The following RBMS3 variants were observed in gnomAD, a reference collection of about 807,000 sequenced individuals.
RBMS3 encodes the protein RNA binding motif single stranded interacting protein 3, also known as RNA-binding motif, single-stranded-interacting protein 3.
RBMS3 carries 27 observed loss-of-function variants against 66.8 expected under a neutral mutation model. The ratio of observed to expected loss-of-function variants is 0.40; its 90% CI spans 0.30 to 0.56. The LOEUF (loss-of-function observed/expected upper bound fraction) is 0.56. RBMS3 is among the 20% of genes least tolerant of loss of function. The pLI, the probability that RBMS3 is intolerant of heterozygous loss-of-function variation, is 0.40. For missense variants in RBMS3, 513 were observed against 549.5 expected, an observed-to-expected ratio of 0.93 and a Z score of 0.66; for synonymous variants, 188 against 183.0, an observed-to-expected ratio of 1.03 and a Z score of -0.22.
intron 4 of RBMS3, among the ~76,000 whole-genome samples, chr3:29,590,969 G>C (rs985403831): frequency 6.6e-6 from 1 of 152,234 alleles, no homozygotes; most frequent in Middle Eastern, 3.4e-3. Context: ...AGATGAAGGA[G>C]CAGTATGGCT....
chr3:29,591,483 G>A (rs927751477), intron 4 of RBMS3, among the ~76,000 whole-genome samples: 4 of 152,176 alleles, frequency 2.6e-5, no homozygotes, highest in African/African-American at 9.7e-5. Flanking sequence ...ATCCTGCTAG[G>A]TGGAAATAGA....
At chr3:29,710,629 C>T (rs2053122267) in intron 4 of RBMS3, among the ~76,000 whole-genome samples, 1 of 152,148 alleles carries the variant, frequency 6.6e-6, no homozygotes, top group Non-Finnish European at 1.5e-5. Context: ...CAAGTGAAAA[C>T]ATAGTGTGTT....
At chr3:29,458,142 C>T (rs1310360306) in intron 2 of RBMS3, among the ~76,000 whole-genome samples, 1 of 152,126 alleles carries the variant, frequency 6.6e-6, no homozygotes, top group Non-Finnish European at 1.5e-5. Context: ...TATTGACTCC[C>T]TTCCAACCAG....
intron 11 of RBMS3, among the ~76,000 whole-genome samples, chr3:29,937,004 A>G (rs111611937): frequency 0.019 from 2,960 of 152,170 alleles, 91 homozygotes; most frequent in African/African-American, 0.066. Context: ...CTTCAGTAAC[A>G]GTTTTATTTT....
At chr3:29,408,125 A>C (rs896085292) in intron 1 of RBMS3, among the ~76,000 whole-genome samples, 5 of 151,304 alleles carry the variant, frequency 3.3e-5, no homozygotes, top group African/African-American at 1.2e-4. Context: ...ACAAAAAATT[A>C]GCTGGGTGTG....
chr3:29,549,772 C>A (rs1454505284), intron 3 of RBMS3, among the ~76,000 whole-genome samples: 1 of 151,872 alleles, frequency 6.6e-6, no homozygotes, highest in Non-Finnish European at 1.5e-5. Context: ...AGGCTGGCAG[C>A]TATGCTAGTG....
At chr3:29,618,032 T>A (rs1052415412) in intron 4 of RBMS3, among the ~76,000 whole-genome samples, 1 of 152,208 alleles carries the variant, frequency 6.6e-6, no homozygotes, top group African/African-American at 2.4e-5. Flanking sequence ...TGTTCATGTA[T>A]GATGCTGTAA....
intron 4 of RBMS3, among the ~76,000 whole-genome samples, chr3:29,696,379 T>C (rs2052276736): frequency 6.6e-6 from 1 of 152,194 alleles, no homozygotes; most frequent in South Asian, 2.1e-4. Context: ...AAATGGTACC[T>C]GCCATTATTA....
chr3:29,697,243 ATGTAGTT>A, intron 4 of RBMS3: 1 of 543,016 alleles, frequency 1.8e-6, no homozygotes. Flanking sequence ...ATTGAAACAA[ATGTAGTT>A]TTGGTAAAGA....
intron 4 of RBMS3, among the ~76,000 whole-genome samples, chr3:29,675,205 G>A (rs1409556826): frequency 2.6e-5 from 4 of 152,078 alleles, no homozygotes; most frequent in African/African-American, 7.2e-5. Flanking sequence ...AATAGCGCTG[G>A]GAAAACTGGC....
chr3:29,292,908 T>G (rs1419607817), intron 1 of RBMS3, among the ~76,000 whole-genome samples: 1 of 151,870 alleles, frequency 6.6e-6, no homozygotes, highest in Admixed American at 6.6e-5. Context: ...GAAACATGTT[T>G]GGGGAAAATA....
At chr3:29,826,194 CATT>C (rs2058207593) in intron 6 of RBMS3, among the ~76,000 whole-genome samples, 1 of 152,044 alleles carries the variant, frequency 6.6e-6, no homozygotes, top group Non-Finnish European at 1.5e-5. Context: ...TTTTAATTTG[CATT>C]AATAACATTA....
At chr3:29,622,304 G>A (rs146255211) in intron 4 of RBMS3, among the ~76,000 whole-genome samples, 13 of 152,194 alleles carry the variant, frequency 8.5e-5, no homozygotes, top group South Asian at 2.1e-4. Context: ...AAAAAATTTC[G>A]TGAAGAAAAA....
intron 7 of RBMS3, chr3:29,880,962 TC>T: frequency 1.2e-6 from 1 of 843,664 alleles, no homozygotes; most frequent in Non-Finnish European, 1.9e-6. Flanking sequence ...TCATGCTAAC[TC>T]CTGTTCCCCA....
intron 12 of RBMS3, among the ~76,000 whole-genome samples, chr3:29,946,216 T>A (rs752346226): frequency 6.6e-6 from 1 of 151,696 alleles, no homozygotes; most frequent in Non-Finnish European, 1.5e-5. Flanking sequence ...CAATGACTTT[T>A]GAGAAATTGA....
At chr3:29,653,507 A>G (rs1254249155) in intron 4 of RBMS3, among the ~76,000 whole-genome samples, 2 of 152,134 alleles carry the variant, frequency 1.3e-5, no homozygotes, top group Non-Finnish European at 2.9e-5. Context: ...ACGCAGTGAT[A>G]TCAGAATTAA....
At chr3:29,911,978 A>ATAG (rs2060525759) in intron 10 of RBMS3, among the ~76,000 whole-genome samples, 1 of 149,802 alleles carries the variant, frequency 6.7e-6, no homozygotes, top group African/African-American at 2.5e-5. Context: ...ACACATACAT[A>ATAG]ATAGCTAGAT....
chr3:29,281,804 C>G, intron 1 of RBMS3, 48 bp downstream of exon 1: 2 of 1,487,224 alleles, frequency 1.3e-6, no homozygotes, highest in Non-Finnish European at 1.9e-6. Context: ...TCGTTCTGCA[C>G]TTGGGATGGG....
At chr3:29,311,438 T>C (rs921412380) in intron 1 of RBMS3, among the ~76,000 whole-genome samples, 8 of 151,582 alleles carry the variant, frequency 5.3e-5, no homozygotes, top group African/African-American at 1.7e-4. Flanking sequence ...CACTGCCAGA[T>C]TGGTTGAAGA....
Sources: allele counts gnomAD v4.1 joint callset (sites outside exome capture counted in the v4.1 genomes callset), GRCh38; gene constraint gnomAD v4.1.1; transcripts MANE v1.5; gene names NCBI Gene and HGNC (gene_info 2026-07-23, HGNC 2026-07-21).